Variants in PKHD1 observed in about 807,000 individuals in gnomAD.
PKHD1 encodes the protein PKHD1 ciliary IPT domain containing fibrocystin/polyductin.
PKHD1 carries 291 observed loss-of-function variants against 412.0 expected under a neutral mutation model. That is an observed-to-expected ratio of 0.71 (90% CI 0.64 to 0.78). PKHD1 has a LOEUF of 0.78. Ranked by LOEUF, PKHD1 falls within the 30% of genes least tolerant of loss-of-function variation. The pLI, the probability that PKHD1 is intolerant of heterozygous loss-of-function variation, is 0.00. For missense variants in PKHD1, 4,825 were observed against 4,950.7 expected, an observed-to-expected ratio of 0.97 and a Z score of 0.76; for synonymous variants, 1,777 against 1,821.5, an observed-to-expected ratio of 0.98 and a Z score of 0.62.
chr6:51,779,801 T>A (rs1582645076), intron 53 of PKHD1, among the ~76,000 whole-genome samples: 2 of 143,932 alleles, frequency 1.4e-5, no homozygotes, highest in African/African-American at 5.0e-5. Context: ...AAAAAAAAAA[T>A]ACAATAATGA....
At chr6:51,957,225 G>A (rs1791285443) in intron 36 of PKHD1, among the ~76,000 whole-genome samples, 1 of 152,152 alleles carries the variant, frequency 6.6e-6, no homozygotes, top group Admixed American at 6.6e-5. Context: ...GGCCGAAAAT[G>A]TTGCTATTAC....
At chr6:51,624,731 T>C (rs936576389) in intron 66 of PKHD1, among the ~76,000 whole-genome samples, 3 of 152,344 alleles carry the variant, frequency 2.0e-5, no homozygotes, top group Middle Eastern at 6.8e-3. Context: ...AATTCACTTA[T>C]TCTGTATAAT....
At chr6:51,952,567 T>C (rs1331244839) in intron 36 of PKHD1, among the ~76,000 whole-genome samples, 4 of 152,146 alleles carry the variant, frequency 2.6e-5, no homozygotes, top group Non-Finnish European at 5.9e-5. Context: ...TACACCTTGA[T>C]ATTCTATTTG....
At chr6:51,738,367 G>A (rs1784126279) in intron 60 of PKHD1, among the ~76,000 whole-genome samples, 1 of 152,212 alleles carries the variant, frequency 6.6e-6, no homozygotes, top group South Asian at 2.1e-4. Context: ...GGGGATGTTG[G>A]TCAAAGGACA....
intron 35 of PKHD1, among the ~76,000 whole-genome samples, chr6:51,988,279 G>A (rs1796451551): frequency 6.6e-6 from 1 of 152,024 alleles, no homozygotes; most frequent in Admixed American, 6.5e-5. Flanking sequence ...TTCATTATAG[G>A]TAATTTATGC....
chr6:51,758,082 A>G (rs1035539472), intron 55 of PKHD1, among the ~76,000 whole-genome samples: 1 of 151,486 alleles, frequency 6.6e-6, no homozygotes, highest in Middle Eastern at 3.4e-3. Context: ...AAAAATCACT[A>G]TCTAAACCCC....
chr6:51,763,524 TC>T (rs1195795029), intron 55 of PKHD1, among the ~76,000 whole-genome samples: 1 of 152,138 alleles, frequency 6.6e-6, no homozygotes, highest in Non-Finnish European at 1.5e-5. Context: ...TTCTTATTGA[TC>T]CTTGTTAGAA....
chr6:51,949,977 T>C (rs1266914), intron 36 of PKHD1, among the ~76,000 whole-genome samples: 106,713 of 151,630 alleles, frequency 0.7, 38,068 homozygotes, highest in East Asian at 0.94. Context: ...CTTATGCATC[T>C]CCCTGTTCTT....
intron 60 of PKHD1, among the ~76,000 whole-genome samples, chr6:51,733,435 G>A (rs1318728520): frequency 9.9e-5 from 15 of 151,636 alleles, no homozygotes; most frequent in Non-Finnish European, 2.2e-4. Flanking sequence ...AGCTACTGAG[G>A]CTGAGGCAGG....
At chr6:51,971,261 C>A (rs947394896) in intron 35 of PKHD1, among the ~76,000 whole-genome samples, 8 of 152,114 alleles carry the variant, frequency 5.3e-5, no homozygotes, top group African/African-American at 1.9e-4. Flanking sequence ...TGTTATGCAG[C>A]AACAGAAAAT....
In PKHD1 at chr6:51,967,816, G is replaced by A. The variant is rs373416731; in HGVS notation, c.5752-7790C>T. On this transcript the variant is annotated intron_variant, in intron 35 of 66. Transcript: ENST00000371117. ...CATTTAACCAGCGAGCATGGAGCAC[G>A]TGTTTGTGTTCCCAGTCACTATTAA... is the stretch of plus-strand genomic sequence containing the variant. Among the ~76,000 whole-genome samples, 11 of 152,306 alleles carry A rather than the reference G, an allele frequency of 7.2e-5. No homozygotes were observed. In the East Asian group the frequency reaches 1.4e-3, roughly 19 times the overall value.
In PKHD1 at chr6:51,617,780, T is replaced by C. The variant is rs1033732754; in HGVS notation, c.*1301A>G. On this transcript the variant is annotated 3_prime_UTR_variant, in exon 67 of 67. Coordinates refer to ENST00000371117, the MANE Select transcript of PKHD1 (RefSeq NM_138694.4). ...TGCCAGTACTTCTCATAGAACTAAT[T>C]CAGGGCATCATTATTTAGAATTCAG... 12 of 152,216 alleles carry C rather than the reference T, an allele frequency of 7.9e-5. 1 individual carries two copies. Among genetic ancestry groups the C allele is most frequent in the Non-Finnish European group, 4.4e-5 (3 of 68,048 alleles). The allele number at this position is 152,216 out of a possible 1,614,324, so 9.4% of individuals were successfully genotyped here. A position where few individuals can be genotyped will look rare whatever the true frequency, so the allele number is the denominator to read the frequency against.
intron 36 of PKHD1, among the ~76,000 whole-genome samples, chr6:51,940,401 T>C (rs2127800454): frequency 6.6e-6 from 1 of 151,774 alleles, no homozygotes; most frequent in South Asian, 2.1e-4. Context: ...TCCAAATGCC[T>C]GAACCGCAGC....
chr6:51,723,554 T>C (rs79490914), intron 60 of PKHD1, among the ~76,000 whole-genome samples: 3,968 of 152,166 alleles, frequency 0.026, 173 homozygotes, highest in African/African-American at 0.088. Flanking sequence ...GCTGGGAAAA[T>C]GAATTATTGA....
At chr6:51,726,308 T>C (rs1377070283) in intron 60 of PKHD1, among the ~76,000 whole-genome samples, 1 of 152,236 alleles carries the variant, frequency 6.6e-6, no homozygotes, top group Non-Finnish European at 1.5e-5. Flanking sequence ...AGTTGTGTAG[T>C]AAATAAACAC....
chr6:51,684,886 A>G (rs1777208152), intron 60 of PKHD1, among the ~76,000 whole-genome samples: 1 of 152,128 alleles, frequency 6.6e-6, no homozygotes, highest in African/African-American at 2.4e-5. Flanking sequence ...CTCTGTGTCA[A>G]AGGCCAATTT....
At chr6:52,083,278 A>T in intron 2 of PKHD1, 23 bp from the exon 3 acceptor site, 1 of 1,514,416 alleles carries the variant, frequency 6.6e-7, no homozygotes, top group East Asian at 2.3e-5. Flanking sequence ...GAAAAAAAAC[A>T]TTGGTTTTGA....
intron 36 of PKHD1, among the ~76,000 whole-genome samples, chr6:51,935,337 TATA>T (rs764807580): frequency 8.9e-4 from 135 of 152,360 alleles, no homozygotes; most frequent in Non-Finnish European, 1.5e-3. Flanking sequence ...TTTTCATTTT[TATA>T]ATATCTTTCT....
chr6:51,925,593 G>T (rs552321110), intron 37 of PKHD1, among the ~76,000 whole-genome samples: 31 of 152,232 alleles, frequency 2.0e-4, no homozygotes, highest in African/African-American at 7.5e-4. Flanking sequence ...AGAACAAAAA[G>T]GCTGAGTATG....
Sources: gnomAD v4.1 joint callset for allele counts (sites outside exome capture counted in the v4.1 genomes callset) on GRCh38, gnomAD v4.1.1 for gene constraint, MANE v1.5 for transcripts, NCBI Gene and HGNC (gene_info 2026-07-23, HGNC 2026-07-21) for gene names.